The following GABRA3 variants were observed in gnomAD, a reference collection of about 807,000 sequenced individuals.
The protein encoded by GABRA3 is gamma-aminobutyric acid receptor subunit alpha-3.
A neutral mutation model predicts 30.1 loss-of-function variants in GABRA3; 10 were observed. That is an observed-to-expected ratio of 0.33 (90% CI 0.20 to 0.56). GABRA3 has a LOEUF of 0.56. Ranked by LOEUF, GABRA3 falls within the 20% of genes least tolerant of loss-of-function variation. The probability of loss-of-function intolerance (pLI) is 0.89; values close to 1 mark genes in which losing one functional copy is unlikely to be tolerated. For synonymous variants in GABRA3, 151 were observed against 146.8 expected, an observed-to-expected ratio of 1.03 and a Z score of -0.21; for missense variants, 233 against 392.0, an observed-to-expected ratio of 0.59 and a Z score of 3.42.
chrX:152,237,957 C>T, intron 5 of GABRA3, among the ~76,000 whole-genome samples: 1 of 110,876 alleles, frequency 9.0e-6, no homozygotes, highest in Non-Finnish European at 1.9e-5. Context: ...ATTTGACTCC[C>T]TCTTTTCCTA....
At chrX:152,291,453 G>A (rs1452578498) in intron 3 of GABRA3, among the ~76,000 whole-genome samples, 2 of 111,773 alleles carry the variant, frequency 1.8e-5, no homozygotes, top group African/African-American at 6.5e-5. Context: ...CACGTCATCT[G>A]CAAACAGGGA....
At chrX:152,327,631 G>T (rs1196344206) in intron 3 of GABRA3, among the ~76,000 whole-genome samples, 51 of 111,679 alleles carry the variant, frequency 4.6e-4, no homozygotes, top group African/African-American at 1.3e-3. Context: ...AAGGCAGAAA[G>T]AAAGATGTTC....
intron 5 of GABRA3, among the ~76,000 whole-genome samples, chrX:152,229,398 C>T (rs1039499779): frequency 9.0e-6 from 1 of 110,994 alleles, no homozygotes; most frequent in African/African-American, 3.3e-5. Context: ...CCTTCTCCCC[C>T]ACATACATAT....
At chrX:152,186,478 A>T (rs1212493159) in intron 9 of GABRA3, among the ~76,000 whole-genome samples, 1 of 111,318 alleles carries the variant, frequency 9.0e-6, no homozygotes, top group Admixed American at 9.6e-5. Context: ...TCGGGATTAC[A>T]GGTGTGAGCC....
chrX:152,356,497 T>C, intron 2 of GABRA3, among the ~76,000 whole-genome samples: 1 of 112,067 alleles, frequency 8.9e-6, no homozygotes, highest in Non-Finnish European at 1.9e-5. Flanking sequence ...AACTCTATAC[T>C]TTAAAATTAT....
intron 6 of GABRA3, among the ~76,000 whole-genome samples, chrX:152,221,736 G>A (rs1937843226): frequency 9.0e-6 from 1 of 111,645 alleles, no homozygotes; most frequent in Non-Finnish European, 1.9e-5. Context: ...TTTATTTTAA[G>A]TTCAGGGGTA....
intron 3 of GABRA3, among the ~76,000 whole-genome samples, chrX:152,328,563 G>A (rs937119968): frequency 3.6e-5 from 4 of 111,702 alleles, no homozygotes; most frequent in Admixed American, 9.5e-5. Context: ...ATCAATAAAC[G>A]TAAATCAGCA....
chrX:152,337,483 T>C (rs1384820805), intron 3 of GABRA3, among the ~76,000 whole-genome samples: 2 of 111,250 alleles, frequency 1.8e-5, no homozygotes, highest in African/African-American at 6.5e-5. Flanking sequence ...GCTTGGCTTG[T>C]TTAACTTAAC....
At chrX:152,321,816 C>T (rs1483076326) in intron 3 of GABRA3, among the ~76,000 whole-genome samples, 2 of 111,214 alleles carry the variant, frequency 1.8e-5, no homozygotes, top group Non-Finnish European at 3.8e-5. Context: ...ATACAAAGTA[C>T]ACAGACCTTC....
intron 6 of GABRA3, among the ~76,000 whole-genome samples, chrX:152,208,546 G>A (rs756272390): frequency 4.4e-4 from 49 of 111,171 alleles, no homozygotes; most frequent in Admixed American, 1.3e-3. Flanking sequence ...TTGGATATTC[G>A]ACCCCTCCAA....
chrX:152,175,271 G>C (rs1461739150), intron 9 of GABRA3, among the ~76,000 whole-genome samples: 1 of 108,953 alleles, frequency 9.2e-6, no homozygotes, highest in African/African-American at 3.4e-5. Flanking sequence ...TTTTCGGAGA[G>C]AAATAGAGGA....
intron 1 of GABRA3, among the ~76,000 whole-genome samples, chrX:152,421,939 C>T (rs766436302): frequency 9.7e-6 from 1 of 103,074 alleles, no homozygotes; most frequent in African/African-American, 3.6e-5. Context: ...ATCTTTCATA[C>T]ACTGCCAGTG....
At chrX:152,434,764 T>C (rs1276967966) in intron 1 of GABRA3, among the ~76,000 whole-genome samples, 1 of 111,842 alleles carries the variant, frequency 8.9e-6, no homozygotes, top group Non-Finnish European at 1.9e-5. Context: ...TAATTCACCA[T>C]AGCAATAGAC....
intron 5 of GABRA3, among the ~76,000 whole-genome samples, chrX:152,252,290 G>A (rs1420932385): frequency 9.0e-6 from 1 of 111,549 alleles, no homozygotes; most frequent in Non-Finnish European, 1.9e-5. Flanking sequence ...CCAAACTTAA[G>A]ACAGACTTTT....
chrX:152,362,519 A>C (rs915066342), intron 2 of GABRA3, among the ~76,000 whole-genome samples: 1 of 111,651 alleles, frequency 9.0e-6, no homozygotes, highest in African/African-American at 3.3e-5. Flanking sequence ...GGGACAACAG[A>C]AAACCATGAA....
chrX:152,182,865 G>T (rs1937203259), intron 9 of GABRA3, among the ~76,000 whole-genome samples: 1 of 90,676 alleles, frequency 1.1e-5, no homozygotes, highest in African/African-American at 4.0e-5. Flanking sequence ...ATATACTATA[G>T]TACTATATAT....
At chrX:152,293,517 T>C (rs1939463511) in intron 3 of GABRA3, among the ~76,000 whole-genome samples, 1 of 111,393 alleles carries the variant, frequency 9.0e-6, no homozygotes, top group South Asian at 3.8e-4. Flanking sequence ...ATCCAATTTG[T>C]CAGTCTGTGT....
At chrX:152,435,855 T>A (rs993367663) in intron 1 of GABRA3, among the ~76,000 whole-genome samples, 1 of 111,398 alleles carries the variant, frequency 9.0e-6, no homozygotes. Flanking sequence ...TAGACAAAAA[T>A]TAATTGTATT....
chrX:152,373,877 G>A (rs899839058), intron 1 of GABRA3, among the ~76,000 whole-genome samples: 4 of 108,403 alleles, frequency 3.7e-5, no homozygotes, highest in South Asian at 4.2e-4. Context: ...AACATGCGGC[G>A]TTTGGTTTTC....
Sources: gnomAD v4.1 joint callset for allele counts (sites outside exome capture counted in the v4.1 genomes callset) on GRCh38, gnomAD v4.1.1 for gene constraint, MANE v1.5 for transcripts, NCBI Gene and HGNC (gene_info 2026-07-23, HGNC 2026-07-21) for gene names.